Variants in PKHD1 observed in about 807,000 individuals in gnomAD.
The protein encoded by PKHD1 is PKHD1 ciliary IPT domain containing fibrocystin/polyductin, also known as fibrocystin.
Under a neutral mutation model 412.0 loss-of-function variants are expected in PKHD1, and 291 were observed. The observed-to-expected ratio is 0.71, with a 90% CI of 0.64 to 0.78. The LOEUF is 0.78. Ranked by LOEUF, PKHD1 falls within the 30% of genes least tolerant of loss-of-function variation. The probability of loss-of-function intolerance (pLI) is 0.00; values close to 1 mark genes in which losing one functional copy is unlikely to be tolerated. For synonymous variants in PKHD1, 1,777 were observed against 1,821.5 expected (o/e 0.98, Z 0.62); for missense variants, 4,825 against 4,950.7 (o/e 0.97, Z 0.76).
chr6:51,939,303 G>A (rs1258313967), intron 36 of PKHD1, among the ~76,000 whole-genome samples: 1 of 150,562 alleles, frequency 6.6e-6, no homozygotes, highest in Non-Finnish European at 1.5e-5. Context: ...TTCTCTCCGT[G>A]TCTCTACCCC....
At chr6:51,983,270 G>A (rs1289620638) in intron 35 of PKHD1, among the ~76,000 whole-genome samples, 1 of 152,152 alleles carries the variant, frequency 6.6e-6, no homozygotes, top group Non-Finnish European at 1.5e-5. Context: ...CAAAAAATAA[G>A]GGGGCTTGCT....
intron 21 of PKHD1, 67 bp downstream of exon 21, chr6:52,053,009 C>A: frequency 6.8e-7 from 1 of 1,463,006 alleles, no homozygotes; most frequent in East Asian, 2.3e-5. Context: ...AAAACAGTAA[C>A]CCCTAGCAGG....
intron 60 of PKHD1, among the ~76,000 whole-genome samples, chr6:51,667,389 GTTGT>G (rs1408206716): frequency 2.0e-5 from 3 of 151,300 alleles, no homozygotes; most frequent in Non-Finnish European, 4.4e-5. Context: ...TTTTAATGGG[GTTGT>G]TTGTTTTTTT....
At chr6:51,646,397 A>C (rs1770091196) in intron 63 of PKHD1, among the ~76,000 whole-genome samples, 1 of 152,184 alleles carries the variant, frequency 6.6e-6, no homozygotes, top group Admixed American at 6.5e-5. Flanking sequence ...GACTGCACAC[A>C]ATAGGGAGAA....
chr6:51,759,309 C>T (rs543148462), intron 55 of PKHD1, among the ~76,000 whole-genome samples: 1 of 152,134 alleles, frequency 6.6e-6, no homozygotes, highest in Non-Finnish European at 1.5e-5. Context: ...CTGAGAACTG[C>T]TCCCATCCAC....
intron 35 of PKHD1, 57 bp downstream of exon 35, chr6:52,010,252 T>C: frequency 1.3e-6 from 2 of 1,484,496 alleles, no homozygotes; most frequent in Non-Finnish European, 1.9e-6. Context: ...ATGTACACAA[T>C]ATTACAAATT....
At chr6:51,650,181 G>C (rs1028154505) in intron 61 of PKHD1, among the ~76,000 whole-genome samples, 1 of 152,134 alleles carries the variant, frequency 6.6e-6, no homozygotes, top group Non-Finnish European at 1.5e-5. Flanking sequence ...GGAATACATA[G>C]AAAATAGTTA....
intron 57 of PKHD1, among the ~76,000 whole-genome samples, chr6:51,752,239 T>C (rs577297719): frequency 6.6e-6 from 1 of 152,280 alleles, no homozygotes; most frequent in South Asian, 2.1e-4. Flanking sequence ...TCAACACTAT[T>C]GACATTTGGA....
chr6:51,707,472 T>A (rs1278662478), intron 60 of PKHD1, among the ~76,000 whole-genome samples: 1 of 152,164 alleles, frequency 6.6e-6, no homozygotes, highest in African/African-American at 2.4e-5. Context: ...GAAATCTTGC[T>A]CCCGTACTTT....
chr6:52,034,221 C>A (rs1803561373), intron 28 of PKHD1, among the ~76,000 whole-genome samples: 1 of 150,218 alleles, frequency 6.7e-6, no homozygotes, highest in African/African-American at 2.4e-5. Flanking sequence ...AATATACTAC[C>A]CGGTTCTGCC....
At chr6:51,870,076 A>T (rs370157444) in intron 47 of PKHD1, among the ~76,000 whole-genome samples, 2 of 152,268 alleles carry the variant, frequency 1.3e-5, no homozygotes, top group East Asian at 3.9e-4. Flanking sequence ...AAGTACCTGA[A>T]CTTTGGCTCC....
intron 7 of PKHD1, 130 bp downstream of exon 7, chr6:52,073,333 T>C: frequency 1.3e-6 from 1 of 774,274 alleles, no homozygotes; most frequent in South Asian, 1.4e-5. Context: ...TGAGGGACCA[T>C]AAACTGCAAA....
chr6:51,772,884 CAT>C (rs1790392523), intron 54 of PKHD1, 95 bp from the exon 55 acceptor site: 1 of 762,988 alleles, frequency 1.3e-6, no homozygotes, highest in African/African-American at 1.7e-5. Context: ...TTGTGCAAAA[CAT>C]GTGATATAGA....
chr6:51,638,030 T>C (rs994389982), intron 64 of PKHD1, among the ~76,000 whole-genome samples: 1 of 152,254 alleles, frequency 6.6e-6, no homozygotes, highest in African/African-American at 2.4e-5. Flanking sequence ...CTCTCAAACA[T>C]ATATTTGTTT....
intron 57 of PKHD1, among the ~76,000 whole-genome samples, chr6:51,748,926 A>G (rs1248368779): frequency 6.6e-6 from 1 of 152,162 alleles, no homozygotes; most frequent in Non-Finnish European, 1.5e-5. Context: ...AATAGGAAAG[A>G]GGCAAACTTT....
chr6:52,065,166 T>TAG lies in PKHD1; in HGVS notation c.881-117_881-116insCT, dbSNP rs1244491200. On this transcript the variant is annotated intron_variant, in intron 12 of 66. Coordinates refer to ENST00000371117, the MANE Select transcript of PKHD1 (RefSeq NM_138694.4). ...ATATATATATATATATATATATATA[T>TAG]ATAGAGAGAGAGAGAGAGAGAGAGA... 108 of 49,954 alleles carry TAG rather than the reference T, an allele frequency of 2.2e-3. 1 individual carries two copies. The highest frequency in any genetic ancestry group is 0.017 in the East Asian group (24 of 1,442). 3.1% of individuals were successfully genotyped at this position (49,954 alleles called of 1,614,324 possible).
chr6:51,848,558 T>A (rs1490174067), intron 49 of PKHD1, among the ~76,000 whole-genome samples: 1 of 152,134 alleles, frequency 6.6e-6, no homozygotes, highest in Non-Finnish European at 1.5e-5. Flanking sequence ...GAGTGCAGTG[T>A]CAGGACATAA....
At chr6:51,734,494 A>G (rs148732255) in intron 60 of PKHD1, among the ~76,000 whole-genome samples, 2 of 152,314 alleles carry the variant, frequency 1.3e-5, no homozygotes, top group East Asian at 3.9e-4. Context: ...AAATTGTACT[A>G]GAAATTCAAA....
Position 51,868,054 on chromosome 6 carries a change from C to T in PKHD1, c.7542G>A (p.Val2514=), listed in dbSNP as rs779395425. 1 of 1,611,322 alleles carries T rather than the reference C, an allele frequency of 6.2e-7. No homozygotes were observed. Among genetic ancestry groups the T allele is most frequent in the Non-Finnish European group, 8.5e-7 (1 of 1,177,616 alleles). The change falls in exon 48 of 67, where the codon GTG becomes GTA. Residue 2514 remains valine (V), a synonymous_variant. Coordinates refer to ENST00000371117, the MANE Select transcript of PKHD1 (RefSeq NM_138694.4). ...QLKFTNSSNL[V]AFPFPHAAIL... is the part of the protein sequence containing the mutation. Reference sequence around the variant, plus strand: ...TTGCTGCATGAGGAAATGGAAATGCCACTAAGTTTGAAGAGTTTGTAAACT... The same window carrying T: ...TTGCTGCATGAGGAAATGGAAATGCTACTAAGTTTGAAGAGTTTGTAAACT...
Sources: gnomAD v4.1 joint callset for allele counts (sites outside exome capture counted in the v4.1 genomes callset) on GRCh38, gnomAD v4.1.1 for gene constraint, MANE v1.5 for transcripts, NCBI Gene and HGNC (gene_info 2026-07-23, HGNC 2026-07-21) for gene names.